AGGF1: variants seen among roughly 807,000 people sequenced by gnomAD.
The protein encoded by AGGF1 is angiogenic factor with G patch and FHA domains 1.
AGGF1 carries 56 observed loss-of-function variants against 86.5 expected under a neutral mutation model. The ratio of observed to expected loss-of-function variants is 0.65; its 90% CI spans 0.52 to 0.81. The LOEUF (loss-of-function observed/expected upper bound fraction) is 0.81. Ranked by LOEUF, AGGF1 falls within the 30% of genes least tolerant of loss-of-function variation. The pLI is 0.00. For missense variants in AGGF1, 816 were observed against 850.9 expected, an observed-to-expected ratio of 0.96 and a Z score of 0.51; for synonymous variants, 313 against 297.1, an observed-to-expected ratio of 1.05 and a Z score of -0.55.
At chr5:77,050,298 CTTTG>C (rs1747346891) in intron 8 of AGGF1, among the ~76,000 whole-genome samples, 3 of 85,964 alleles carry the variant, frequency 3.5e-5, no homozygotes, top group Non-Finnish European at 7.0e-5. Flanking sequence ...TTTTCTTTTT[CTTTG>C]TTTCTTTTTT....
At position 77,041,781 on chromosome 5, in the gene AGGF1, C is replaced by CT. The variant is rs202243111; in HGVS notation, c.870+2069dup. 2.8e-3 allele frequency among the ~76,000 whole-genome samples: 303 copies of CT among 106,500 alleles called. 8 individuals carry two copies. The highest frequency in any genetic ancestry group is 4.6e-3 in the Middle Eastern group (1 of 218). The allele number at this position is 106,500 out of a possible 152,430, so 69.9% of individuals were successfully genotyped here. ...AAATGTGCGAATTCCAAGACAAGAA[C>CT]TTTTTTTATTTATTTATTTATTTAT... On this transcript the variant is annotated intron_variant, in intron 5 of 13. Coordinates refer to ENST00000312916, the MANE Select transcript of AGGF1 (RefSeq NM_018046.5).
chr5:77,031,449 C>T (rs1430105327), intron 1 of AGGF1, among the ~76,000 whole-genome samples: 1 of 152,124 alleles, frequency 6.6e-6, no homozygotes, highest in Non-Finnish European at 1.5e-5. Context: ...GAATGCTATA[C>T]CTGTTTAAGG....
At chr5:77,043,552 C>T (rs1747177457) in intron 5 of AGGF1, among the ~76,000 whole-genome samples, 1 of 146,662 alleles carries the variant, frequency 6.8e-6, no homozygotes, top group Non-Finnish European at 1.5e-5. Context: ...CCCCACCTCC[C>T]TCCCGGACGG....
chr5:77,041,377 G>A (rs979592112), intron 5 of AGGF1, among the ~76,000 whole-genome samples: 2 of 151,940 alleles, frequency 1.3e-5, no homozygotes, highest in East Asian at 3.9e-4. Flanking sequence ...GACCAGCCTG[G>A]CCAACATGGT....
At chr5:77,039,859 G>A in intron 5 of AGGF1, 140 bp downstream of exon 5, 4 of 692,670 alleles carry the variant, frequency 5.8e-6, no homozygotes, top group Non-Finnish European at 9.5e-6. Context: ...AAGTTTAGAT[G>A]GAGCAAACAT....
At position 77,035,735 on chromosome 5, in the gene AGGF1, A is replaced by G. The variant is rs769933847; in HGVS notation, c.508A>G (p.Asn170Asp). ...KYRQVDHFAS[N>D]SQEPASALAT... ...TAGACAAGTGGACCATTTTGCCTCA[A>G]ATTCACAGGTAATAAAATGCTAAAC... is the stretch of plus-strand genomic sequence containing the variant. The change falls in exon 3 of 14, where the codon AAT becomes GAT. Residue 170 changes from asparagine (N) to aspartate (D), a missense_variant. Transcript: ENST00000312916. 1.5e-5 allele frequency: 24 copies of G among 1,612,920 alleles called. No homozygotes were observed. Among genetic ancestry groups the G allele is most frequent in the Non-Finnish European group, 2.0e-5 (23 of 1,179,078 alleles).
rs753207361 is a variant in AGGF1 at position 77,061,724 on chromosome 5, A to G, written c.1866A>G (p.Lys622=). The G allele has an allele frequency of 6.3e-7, 1 of 1,592,966 alleles. No homozygotes were observed. Residue 622 remains lysine, a synonymous_variant, in exon 13 of 14, where the codon AAA becomes AAG. Transcript: ENST00000312916. ...SVHSEITDSN[K]GRKMLEKMGW... ...AAAGTGAAATTACTGATAGCAACAA[A>G]GGTCGGAAGATGTTGGAGAAGATGG...
intron 8 of AGGF1, among the ~76,000 whole-genome samples, chr5:77,052,129 G>T (rs1182022385): frequency 6.6e-6 from 1 of 152,144 alleles, no homozygotes; most frequent in Admixed American, 6.5e-5. Context: ...GAGGCGGGAG[G>T]ATCACTTGAG....
intron 6 of AGGF1, 62 bp downstream of exon 6, chr5:77,046,739 C>A: frequency 6.9e-7 from 1 of 1,450,306 alleles, no homozygotes; most frequent in South Asian, 1.2e-5. Flanking sequence ...AGAGCAAAAC[C>A]ATTAAAAATG....
chr5:77,037,814 G>T (rs1746992563), intron 4 of AGGF1, among the ~76,000 whole-genome samples: 1 of 152,140 alleles, frequency 6.6e-6, no homozygotes, highest in Non-Finnish European at 1.5e-5. Context: ...TTAGCAATGA[G>T]AACTAGGGAA....
intron 1 of AGGF1, 86 bp downstream of exon 1, chr5:77,031,062 A>C (rs1041474530): frequency 7.1e-7 from 1 of 1,408,858 alleles, no homozygotes; most frequent in Admixed American, 1.7e-5. Context: ...GGTCCCTGGC[A>C]GGGGCTCAGA....
chr5:77,059,275 A>G (rs1418951397), intron 11 of AGGF1, among the ~76,000 whole-genome samples: 2 of 152,230 alleles, frequency 1.3e-5, no homozygotes, highest in Non-Finnish European at 2.9e-5. Context: ...TTGAAATATA[A>G]ACATTTTAAA....
At chr5:77,051,609 A>T (rs1274598061) in intron 8 of AGGF1, among the ~76,000 whole-genome samples, 1 of 152,224 alleles carries the variant, frequency 6.6e-6, no homozygotes, top group Non-Finnish European at 1.5e-5. Context: ...GGGAATATGA[A>T]TTGATACAAC....
chr5:77,035,794 T>G, intron 3 of AGGF1, 51 bp downstream of exon 3: 1 of 1,490,924 alleles, frequency 6.7e-7, no homozygotes, highest in Non-Finnish European at 9.4e-7. Context: ...CCTGTCCTTC[T>G]TTGTTGTTAT....
chr5:77,050,714 T>A (rs1324958907), intron 8 of AGGF1, among the ~76,000 whole-genome samples: 63 of 152,314 alleles, frequency 4.1e-4, no homozygotes, highest in African/African-American at 1.4e-3. Flanking sequence ...TCTTGCTCTT[T>A]ATATGTTAAG....
chr5:77,044,302 A>G (rs2150730821), intron 5 of AGGF1, among the ~76,000 whole-genome samples: 1 of 152,314 alleles, frequency 6.6e-6, no homozygotes, highest in South Asian at 2.1e-4. Flanking sequence ...TGAGCACTCG[A>G]CAAGAACTTT....
At chr5:77,055,646 G>A (rs1164677328) in intron 11 of AGGF1, 50 bp downstream of exon 11, 2 of 1,302,322 alleles carry the variant, frequency 1.5e-6, no homozygotes, top group African/African-American at 1.5e-5. Context: ...ATCTGGTTTT[G>A]AGTAAAAATG....
intron 5 of AGGF1, among the ~76,000 whole-genome samples, chr5:77,042,187 A>C (rs950974040): frequency 6.6e-5 from 10 of 151,780 alleles, no homozygotes; most frequent in African/African-American, 2.4e-4. Flanking sequence ...TGCAGAACAA[A>C]ATGAAGTCTC....
At position 77,031,224 on chromosome 5, in the gene AGGF1, C is replaced by T. The variant is rs1746844593; in HGVS notation, c.210+248C>T. ...AACTTAAGTACTGTGGCTACATTGT[C>T]TTCATTCTCACTTGACCTAACATCC... On this transcript the variant is annotated intron_variant, in intron 1 of 13. Transcript: ENST00000312916. Among the ~76,000 whole-genome samples the T allele has an allele frequency of 2.0e-5, 3 of 152,354 alleles. 1 individual carries two copies. The South Asian group carries it at 6.2e-4, about 32-fold the overall frequency.
Sources: allele counts gnomAD v4.1 joint callset (sites outside exome capture counted in the v4.1 genomes callset), GRCh38; gene constraint gnomAD v4.1.1; transcripts MANE v1.5; gene names NCBI Gene and HGNC (gene_info 2026-07-23, HGNC 2026-07-21).